Variants in EYS observed in about 807,000 individuals in gnomAD.
The protein encoded by EYS is protein eyes shut homolog.
EYS carries 250 observed loss-of-function variants against 282.1 expected under a neutral mutation model. The observed-to-expected ratio is 0.89, with a 90% CI of 0.80 to 0.98. The LOEUF (loss-of-function observed/expected upper bound fraction) is 0.98. Ranked by LOEUF, EYS falls within the 50% of genes least tolerant of loss-of-function variation. The probability of loss-of-function intolerance (pLI) is 0.00; values close to 1 mark genes in which losing one functional copy is unlikely to be tolerated. For missense variants in EYS, 4,016 were observed against 3,709.0 expected (o/e 1.08, Z -2.15); for synonymous variants, 1,355 against 1,282.9 (o/e 1.06, Z -1.20).
intron 12 of EYS, among the ~76,000 whole-genome samples, chr6:65,116,967 T>G (rs5007203): frequency 0.26 from 39,684 of 151,940 alleles, 6,331 homozygotes; most frequent in African/African-American, 0.45. Context: ...ATGTCCAATA[T>G]TCCTTTCTTC....
At chr6:64,788,302 A>T (rs1489657328) in intron 22 of EYS, among the ~76,000 whole-genome samples, 1 of 152,000 alleles carries the variant, frequency 6.6e-6, no homozygotes, top group Admixed American at 6.6e-5. Flanking sequence ...GGTCCTACCT[A>T]CGGCCTGGAA....
chr6:64,153,821 T>C (rs1774822670), intron 31 of EYS, among the ~76,000 whole-genome samples: 1 of 152,198 alleles, frequency 6.6e-6, no homozygotes, highest in Non-Finnish European at 1.5e-5. Flanking sequence ...TCTTTACACA[T>C]GTGCACAAAG....
chr6:64,118,329 T>TA (rs1773459500), intron 31 of EYS, among the ~76,000 whole-genome samples: 1 of 151,996 alleles, frequency 6.6e-6, no homozygotes, highest in Non-Finnish European at 1.5e-5. Flanking sequence ...GGCATTGACA[T>TA]AAAAACAGAC....
At chr6:65,015,957 A>T (rs1274145842) in intron 13 of EYS, among the ~76,000 whole-genome samples, 5 of 150,580 alleles carry the variant, frequency 3.3e-5, no homozygotes, top group Non-Finnish European at 7.4e-5. Flanking sequence ...AGGCAGGAGA[A>T]TTTCTTGAAC....
At chr6:65,246,774 TA>T (rs1271127657) in intron 12 of EYS, among the ~76,000 whole-genome samples, 1 of 152,142 alleles carries the variant, frequency 6.6e-6, no homozygotes, top group East Asian at 1.9e-4. Flanking sequence ...CAAAAACTTT[TA>T]AAACAACAAA....
chr6:64,541,648 T>C (rs1045618843), intron 26 of EYS, among the ~76,000 whole-genome samples: 47 of 152,228 alleles, frequency 3.1e-4, no homozygotes, highest in African/African-American at 1.1e-3. Flanking sequence ...CTTTCAACTT[T>C]GCCATTCACC....
intron 8 of EYS, among the ~76,000 whole-genome samples, chr6:65,365,516 T>A (rs1323360965): frequency 8.9e-6 from 1 of 112,446 alleles, no homozygotes; most frequent in Non-Finnish European, 1.9e-5. Flanking sequence ...GAAATTGATG[T>A]TAGGTTTCTC....
chr6:65,471,051 C>T (rs929774660), intron 5 of EYS, among the ~76,000 whole-genome samples: 15 of 151,726 alleles, frequency 9.9e-5, no homozygotes, highest in East Asian at 3.9e-4. Context: ...GCAGGAGAAT[C>T]GCTTGAACCC....
At chr6:64,459,485 G>A (rs950173223) in intron 26 of EYS, among the ~76,000 whole-genome samples, 4 of 152,258 alleles carry the variant, frequency 2.6e-5, no homozygotes, top group African/African-American at 4.8e-5. Flanking sequence ...CTATCACAAG[G>A]TGAAGTACCA....
At chr6:64,621,733 G>C (rs1480991555) in intron 23 of EYS, among the ~76,000 whole-genome samples, 2 of 152,116 alleles carry the variant, frequency 1.3e-5, no homozygotes, top group Admixed American at 1.3e-4. Context: ...ACTACTTTAA[G>C]GGCAAAACAT....
chr6:64,472,317 G>A (rs914088240), intron 26 of EYS, among the ~76,000 whole-genome samples: 3 of 152,176 alleles, frequency 2.0e-5, no homozygotes, highest in Non-Finnish European at 4.4e-5. Flanking sequence ...AGTTCTCCCA[G>A]TTATTTGAGA....
chr6:64,452,427 T>C (rs531032027), intron 26 of EYS, among the ~76,000 whole-genome samples: 87 of 152,266 alleles, frequency 5.7e-4, no homozygotes, highest in African/African-American at 1.8e-3. Context: ...AAAATGGCTA[T>C]ACTGCCCCAG....
intron 5 of EYS, among the ~76,000 whole-genome samples, chr6:65,442,927 T>C (rs1447971314): frequency 7.6e-6 from 1 of 131,926 alleles, no homozygotes; most frequent in East Asian, 2.1e-4. Flanking sequence ...CATATGTACA[T>C]ATATGTATAT....
At chr6:64,634,561 A>AAAAG (rs775665273) in intron 22 of EYS, among the ~76,000 whole-genome samples, 1 of 140,704 alleles carries the variant, frequency 7.1e-6, no homozygotes, top group African/African-American at 2.6e-5. Flanking sequence ...AAAAAAAAAA[A>AAAAG]AGAGCCCTAA....
chr6:65,281,074 C>G (rs1768208196), intron 12 of EYS, among the ~76,000 whole-genome samples: 1 of 147,396 alleles, frequency 6.8e-6, no homozygotes, highest in African/African-American at 2.5e-5. Context: ...AATAATAACA[C>G]CTAACTATTG....
intron 5 of EYS, among the ~76,000 whole-genome samples, chr6:65,418,113 T>A (rs1014903561): frequency 1.3e-5 from 2 of 152,072 alleles, no homozygotes; most frequent in African/African-American, 4.8e-5. Context: ...ATATGTTACA[T>A]ATCCTGTTGT....
At chr6:65,240,768 A>T (rs534402505) in intron 12 of EYS, among the ~76,000 whole-genome samples, 1 of 152,304 alleles carries the variant, frequency 6.6e-6, no homozygotes, top group African/African-American at 2.4e-5. Flanking sequence ...TCTTTTTAGT[A>T]GAACAATTTA....
At chr6:65,284,542 G>C (rs918165789) in intron 12 of EYS, among the ~76,000 whole-genome samples, 7 of 151,936 alleles carry the variant, frequency 4.6e-5, no homozygotes, top group African/African-American at 7.2e-5. Context: ...ACCCACCTAT[G>C]CTTCTCTGAA....
chr6:64,114,112 G>A (rs147977244), intron 31 of EYS, among the ~76,000 whole-genome samples: 7 of 151,796 alleles, frequency 4.6e-5, no homozygotes, highest in Non-Finnish European at 1.0e-4. Context: ...AGGAAAAAGT[G>A]GTAAATAGAT....
Sources: gnomAD v4.1 joint callset for allele counts (sites outside exome capture counted in the v4.1 genomes callset) on GRCh38, gnomAD v4.1.1 for gene constraint, MANE v1.5 for transcripts, NCBI Gene and HGNC (gene_info 2026-07-23, HGNC 2026-07-21) for gene names.